CYP3A4: variants seen among roughly 807,000 people sequenced by gnomAD.
CYP3A4 encodes cytochrome P450 3A4.
CYP3A4 carries 41 observed loss-of-function variants against 54.9 expected under a neutral mutation model. That is an observed-to-expected ratio of 0.75 (90% CI 0.58 to 0.97). CYP3A4 has a LOEUF of 0.97. Among genes scored for constraint, CYP3A4 ranks in the 50% least tolerant of loss-of-function variants. The pLI is 0.00. For missense variants in CYP3A4, 510 were observed against 597.3 expected (o/e 0.85, Z 1.52); for synonymous variants, 179 against 205.2 (o/e 0.87, Z 1.09).
chr7:99,769,899 C>T, intron 5 of CYP3A4, 43 bp from the exon 6 acceptor site: 1 of 1,613,568 alleles, frequency 6.2e-7, no homozygotes, highest in Non-Finnish European at 8.5e-7. Flanking sequence ...AATGTGCAGA[C>T]TCTAGTCCCA....
At chr7:99,770,567 G>C (rs1815606939) in intron 4 of CYP3A4, among the ~76,000 whole-genome samples, 1 of 152,116 alleles carries the variant, frequency 6.6e-6, no homozygotes, top group Non-Finnish European at 1.5e-5. Context: ...TCAAGACCTA[G>C]CACTTCTGCA....
At chr7:99,770,358 G>T in intron 4 of CYP3A4, 123 bp from the exon 5 acceptor site, 1 of 849,282 alleles carries the variant, frequency 1.2e-6, no homozygotes, top group Non-Finnish European at 1.8e-6. Context: ...CTGGGTGATG[G>T]GCCCTATGCT....
chr7:99,767,069 G>A lies in CYP3A4; in HGVS notation c.798+62C>T, dbSNP rs41280947. 9.0e-5 allele frequency: 133 copies of A among 1,485,882 alleles called. 1 individual carries two copies. In the Middle Eastern group the frequency reaches 1.6e-3, roughly 18 times the overall value. 92.0% of individuals were successfully genotyped at this position (1,485,882 alleles called of 1,614,324 possible). On this transcript the variant is annotated intron_variant, in intron 8 of 12. Coordinates refer to ENST00000651514, the MANE Select transcript of CYP3A4 (RefSeq NM_017460.6). Reference sequence around the variant, plus strand: ...ATACAGGTAACTGCACTGATCATATGTATATTATCTAAAAAATTATGAAAA... The same window carrying A: ...ATACAGGTAACTGCACTGATCATATATATATTATCTAAAAAATTATGAAAA...
intron 12 of CYP3A4, among the ~76,000 whole-genome samples, chr7:99,758,790 A>T (rs1157732818): frequency 3.3e-5 from 5 of 152,188 alleles, no homozygotes; most frequent in Admixed American, 3.3e-4. Context: ...CATCCAGTGT[A>T]AAGATGGGAA....
chr7:99,764,059 A>G (rs1249730888), intron 9 of CYP3A4, 44 bp from the exon 10 acceptor site: 5 of 1,612,406 alleles, frequency 3.1e-6, no homozygotes, highest in East Asian at 4.5e-5. Context: ...AGATCAATGT[A>G]GGGCATCACA....
intron 5 of CYP3A4, 79 bp downstream of exon 5, chr7:99,770,043 G>C: frequency 6.5e-7 from 1 of 1,540,760 alleles, no homozygotes. Flanking sequence ...CTTGGAAAGG[G>C]ACTGTGATCT....
chr7:99,783,904 C>G (rs898867793), intron 1 of CYP3A4, 107 bp downstream of exon 1: 3 of 1,327,618 alleles, frequency 2.3e-6, no homozygotes, highest in East Asian at 2.3e-5. Flanking sequence ...CCACCACGCC[C>G]GGCCTGAACA....
rs371184172 is a variant in CYP3A4 at position 99,778,045 on chromosome 7, C to T, written c.201G>A (p.Lys67=). The T allele has an allele frequency of 3.7e-6, 6 of 1,612,866 alleles. No homozygotes were observed. The highest frequency in any genetic ancestry group is 2.7e-5 in the African/African-American group (2 of 74,870). ...FCMFDMECHK[K]YGKVWGFYDG... ...ATACTCACCCCCACACTTTTCCATA[C>T]TTTTTATGACATTCCATGTCAAACA... The change falls in exon 3 of 13, where the codon AAG becomes AAA. Residue 67 remains lysine, a synonymous_variant. Coordinates refer to ENST00000651514, the MANE Select transcript of CYP3A4 (RefSeq NM_017460.6).
chr7:99,767,034 C>A lies in CYP3A4; in HGVS notation c.798+97G>T, dbSNP rs1365305622. ...GAGCAGTCTTCATGTTAAAAGCATT[C>A]TTTAAAAACATACAGGTAACTGCAC... On this transcript the variant is annotated intron_variant, in intron 8 of 12. Coordinates refer to ENST00000651514, the MANE Select transcript of CYP3A4 (RefSeq NM_017460.6). 8 of 1,178,076 alleles carry A rather than the reference C, an allele frequency of 6.8e-6. No homozygotes were observed. In the East Asian group the frequency reaches 1.7e-4, roughly 26 times the overall value. 73.0% of individuals were successfully genotyped at this position (1,178,076 alleles called of 1,614,324 possible).
intron 3 of CYP3A4, among the ~76,000 whole-genome samples, chr7:99,773,745 GA>G (rs761266732): frequency 6.6e-6 from 1 of 152,246 alleles, no homozygotes; most frequent in East Asian, 1.9e-4. Context: ...GAGAAAGCAG[GA>G]AAGATCTAAA....
chr7:99,776,845 A>G (rs1815784008), intron 3 of CYP3A4, among the ~76,000 whole-genome samples: 1 of 152,202 alleles, frequency 6.6e-6, no homozygotes, highest in African/African-American at 2.4e-5. Context: ...GTATAATTTA[A>G]AAAACTAAAA....
At position 99,757,866 on chromosome 7, in the gene CYP3A4, G is replaced by A. The variant is rs1338894990; in HGVS notation, c.*267C>T. On this transcript the variant is annotated 3_prime_UTR_variant, in exon 13 of 13. Coordinates refer to ENST00000651514, the MANE Select transcript of CYP3A4 (RefSeq NM_017460.6). ...CAGGAGGAGTTAATGGTGCTAACTGGGGGTGGTGGAAATAGTCCCGTGAGA... is the reference window on the plus strand; with the variant it reads ...CAGGAGGAGTTAATGGTGCTAACTGAGGGTGGTGGAAATAGTCCCGTGAGA... The A allele has an allele frequency of 5.2e-6, 2 of 384,448 alleles. No homozygotes were observed. Among genetic ancestry groups the A allele is most frequent in the Non-Finnish European group, 9.6e-6 (2 of 208,272 alleles). 23.8% of individuals were successfully genotyped at this position (384,448 alleles called of 1,614,324 possible).
intron 12 of CYP3A4, 127 bp downstream of exon 12, chr7:99,760,692 A>T: frequency 7.8e-7 from 1 of 1,274,388 alleles, no homozygotes; most frequent in Non-Finnish European, 1.1e-6. Flanking sequence ...AGATGGGCCT[A>T]ATTGATTCTT....
intron 2 of CYP3A4, 74 bp downstream of exon 2, chr7:99,779,918 A>AT: frequency 7.2e-7 from 1 of 1,398,564 alleles, no homozygotes; most frequent in Non-Finnish European, 1.0e-6. Context: ...CCTGAGGAGA[A>AT]GCATTTTTAC....
intron 4 of CYP3A4, 128 bp downstream of exon 4, chr7:99,772,462 G>A (rs1448740784): frequency 1.2e-5 from 13 of 1,100,954 alleles, no homozygotes; most frequent in Non-Finnish European, 1.5e-5. Flanking sequence ...TACCATTCGG[G>A]GGGGACAGGA....
At chr7:99,775,424 C>G (rs1434511976) in intron 3 of CYP3A4, among the ~76,000 whole-genome samples, 1 of 152,114 alleles carries the variant, frequency 6.6e-6, no homozygotes, top group African/African-American at 2.4e-5. Context: ...AGGCATCACG[C>G]TACCTGACTT....
intron 10 of CYP3A4, among the ~76,000 whole-genome samples, chr7:99,762,825 C>T (rs1815374714): frequency 6.6e-6 from 1 of 152,144 alleles, no homozygotes; most frequent in African/African-American, 2.4e-5. Context: ...CTGAAACAGT[C>T]TCCTAGTTGT....
intron 3 of CYP3A4, among the ~76,000 whole-genome samples, chr7:99,776,574 C>G (rs1487313604): frequency 6.6e-6 from 1 of 152,162 alleles, no homozygotes; most frequent in Non-Finnish European, 1.5e-5. Flanking sequence ...CCATCATTCT[C>G]AGCAAACTAT....
intron 8 of CYP3A4, chr7:99,766,805 C>A: frequency 2.8e-6 from 1 of 359,706 alleles, no homozygotes; most frequent in Non-Finnish European, 5.0e-6. Context: ...AAATATATTT[C>A]CAAACAGTAA....
Sources: gnomAD v4.1 joint callset for allele counts (sites outside exome capture counted in the v4.1 genomes callset) on GRCh38, gnomAD v4.1.1 for gene constraint, MANE v1.5 for transcripts, NCBI Gene and HGNC (gene_info 2026-07-23, HGNC 2026-07-21) for gene names.